Variants in GPD1L observed in about 807,000 individuals in gnomAD.
GPD1L encodes glycerol-3-phosphate dehydrogenase 1 like, also known as glycerol-3-phosphate dehydrogenase 1-like protein.
In GPD1L, 17 loss-of-function variants were observed where a neutral mutation model predicts 32.9. That is an observed-to-expected ratio of 0.52 (90% CI 0.35 to 0.78). The LOEUF (loss-of-function observed/expected upper bound fraction) is 0.78, where lower values mean the gene tolerates loss of function less well. GPD1L is among the 30% of genes least tolerant of loss of function. The pLI is 0.01. For missense variants in GPD1L, 361 were observed against 447.8 expected, an observed-to-expected ratio of 0.81 and a Z score of 1.75; for synonymous variants, 187 against 165.9, an observed-to-expected ratio of 1.13 and a Z score of -0.98.
chr3:32,108,888 C>T (rs529928461), intron 1 of GPD1L, among the ~76,000 whole-genome samples: 15 of 152,254 alleles, frequency 9.9e-5, no homozygotes, highest in Middle Eastern at 3.4e-3. Context: ...CTCCCTCTGT[C>T]GCCCAGGCTG....
chr3:32,116,735 C>A (rs1380868371), intron 1 of GPD1L, among the ~76,000 whole-genome samples: 3 of 152,202 alleles, frequency 2.0e-5, no homozygotes, highest in Admixed American at 6.5e-5. Flanking sequence ...ATCTGTGAGG[C>A]CTTGACTGAC....
At chr3:32,165,716 C>T (rs967630320) in intron 7 of GPD1L, 98 bp from the exon 8 acceptor site, 39 of 736,758 alleles carry the variant, frequency 5.3e-5, no homozygotes, top group Non-Finnish European at 9.0e-5. Flanking sequence ...TCCATAGTCA[C>T]ATACTAACCT....
intron 2 of GPD1L, among the ~76,000 whole-genome samples, chr3:32,133,010 T>C (rs971765754): frequency 2.0e-5 from 3 of 152,200 alleles, no homozygotes; most frequent in African/African-American, 7.2e-5. Context: ...AAAATTACGC[T>C]ATTTTTGAGC....
intron 7 of GPD1L, among the ~76,000 whole-genome samples, chr3:32,160,318 G>A: frequency 1.7e-5 from 1 of 57,798 alleles, no homozygotes; most frequent in Non-Finnish European, 3.2e-5. Flanking sequence ...ATGGGTGAAT[G>A]GATGGATGAT....
chr3:32,122,191 G>C (rs1169693213), intron 1 of GPD1L, among the ~76,000 whole-genome samples: 2 of 147,306 alleles, frequency 1.4e-5, no homozygotes, highest in Non-Finnish European at 3.0e-5. Flanking sequence ...CACCCAGCAT[G>C]GTGTCTGAAA....
At position 32,140,292 on chromosome 3, in the gene GPD1L, T is replaced by TC; in HGVS notation, c.431_432insC (p.Asp145Ter). On this transcript the variant is annotated frameshift_variant, in exon 4 of 8. Coordinates refer to ENST00000282541, the MANE Select transcript of GPD1L (RefSeq NM_015141.4). LOFTEE classifies it high-confidence loss of function. ...GACATCATCCGTGAGAAGATGGGTATTGACATCAGTGTGCTGATGGGAGCC... is the reference window on the plus strand; with the variant it reads ...GACATCATCCGTGAGAAGATGGGTATCTGACATCAGTGTGCTGATGGGAGCC... The TC allele has an allele frequency of 6.2e-7, 1 of 1,613,966 alleles. No individual in the cohort carries two copies. The highest frequency in any genetic ancestry group is 8.5e-7 in the Non-Finnish European group (1 of 1,179,864).
At chr3:32,126,309 G>A (rs1350158853) in intron 1 of GPD1L, among the ~76,000 whole-genome samples, 1 of 152,230 alleles carries the variant, frequency 6.6e-6, no homozygotes, top group African/African-American at 2.4e-5. Context: ...AGAGGCAGCT[G>A]TAAAGGGGAA....
intron 2 of GPD1L, among the ~76,000 whole-genome samples, chr3:32,133,862 T>G (rs571233389): frequency 1.3e-5 from 2 of 152,350 alleles, no homozygotes; most frequent in East Asian, 3.9e-4. Context: ...ACCTTCAGAC[T>G]TGTCCACACA....
At chr3:32,130,850 T>TA (rs956598103) in intron 2 of GPD1L, among the ~76,000 whole-genome samples, 13 of 151,600 alleles carry the variant, frequency 8.6e-5, no homozygotes, top group African/African-American at 3.2e-4. Context: ...TCATCTCTAC[T>TA]AAAAAAAGAA....
chr3:32,163,182 T>TC (rs1701095117), intron 7 of GPD1L, among the ~76,000 whole-genome samples: 2 of 144,328 alleles, frequency 1.4e-5, no homozygotes, highest in South Asian at 4.6e-4. Flanking sequence ...TTTTTTTTTT[T>TC]TTTTGAGACA....
chr3:32,143,792 A>G lies in GPD1L; in HGVS notation c.506-2830A>G, dbSNP rs557764874. ...TAGGAGTTTGAGACCAGCCTTGTCA[A>G]CATGACAAGCGAAACCTCATCTTTA... On this transcript the variant is annotated intron_variant, in intron 4 of 7. Coordinates refer to ENST00000282541, the MANE Select transcript of GPD1L (RefSeq NM_015141.4). Among the ~76,000 whole-genome samples, 8 of 152,114 alleles carry G rather than the reference A, an allele frequency of 5.3e-5. No homozygotes were observed. In the South Asian group the frequency reaches 1.7e-3, roughly 32 times the overall value.
chr3:32,126,464 T>C (rs1156509911), intron 1 of GPD1L, among the ~76,000 whole-genome samples: 1 of 152,218 alleles, frequency 6.6e-6, no homozygotes, highest in African/African-American at 2.4e-5. Flanking sequence ...TTGTTCTCTA[T>C]GACCTTGTGA....
chr3:32,109,348 G>A (rs574661245), intron 1 of GPD1L, among the ~76,000 whole-genome samples: 12 of 152,320 alleles, frequency 7.9e-5, no homozygotes, highest in African/African-American at 2.6e-4. Flanking sequence ...CTGGAACTGG[G>A]CCTGGAGCAA....
chr3:32,152,578 C>G (rs1432566852), intron 5 of GPD1L, among the ~76,000 whole-genome samples: 1 of 152,106 alleles, frequency 6.6e-6, no homozygotes, highest in African/African-American at 2.4e-5. Context: ...GAGAGCCACT[C>G]CCGGAGTCTT....
chr3:32,117,414 C>T (rs1049242479), intron 1 of GPD1L, among the ~76,000 whole-genome samples: 3 of 152,164 alleles, frequency 2.0e-5, no homozygotes, highest in African/African-American at 7.2e-5. Flanking sequence ...GAAACATAAG[C>T]AGAAAAGAGA....
chr3:32,114,272 G>T (rs35505434), intron 1 of GPD1L, among the ~76,000 whole-genome samples: 62,784 of 152,096 alleles, frequency 0.41, 14,718 homozygotes, highest in East Asian at 0.64. Flanking sequence ...GCTAGCTTAG[G>T]CTTCTCCATA....
chr3:32,122,230 T>A (rs548279816), intron 1 of GPD1L, among the ~76,000 whole-genome samples: 1 of 152,092 alleles, frequency 6.6e-6, no homozygotes, highest in Non-Finnish European at 1.5e-5. Context: ...ATATTTTCAA[T>A]AAAAGACTCT....
At position 32,165,832 on chromosome 3, in the gene GPD1L, A is replaced by C. The variant is rs1553663699; in HGVS notation, c.978A>C (p.Ala326=). Residue 326 remains alanine (A), a synonymous_variant, in exon 8 of 8, where the codon GCA becomes GCC. Transcript: ENST00000282541. ...GLLDKFPLFT[A]VYQICYESRP... ...CAACTAGGTTTCCATTGTTTACTGC[A>C]GTGTATCAGATCTGCTACGAAAGCA... is the stretch of plus-strand genomic sequence containing the variant. 1.3e-6 allele frequency: 2 copies of C among 1,598,956 alleles called. No individual in the cohort carries two copies. The highest frequency in any genetic ancestry group is 2.2e-5 in the South Asian group (2 of 90,778).
rs1178500206 is a variant in GPD1L, at chr3:32,106,764, C to T, written c.47+6C>T. Reference sequence around the variant, plus strand: ...ATCGTGGGCTCGGGGAACTGGTGAGCGGCGGCGGGCTGGAGGCCGGGGCTC... The same window carrying T: ...ATCGTGGGCTCGGGGAACTGGTGAGTGGCGGCGGGCTGGAGGCCGGGGCTC... On this transcript the variant is annotated splice_donor_region_variant and intron_variant, in intron 1 of 7. Coordinates refer to ENST00000282541, the MANE Select transcript of GPD1L (RefSeq NM_015141.4). The surrounding 1 kb of genome is among the most constrained non-coding windows in gnomAD (Gnocchi z 4.0). 6.4e-7 allele frequency: 1 copy of T among 1,557,728 alleles called. No homozygotes were observed. The highest frequency in any genetic ancestry group is 8.7e-7 in the Non-Finnish European group (1 of 1,152,500).
Sources: allele counts gnomAD v4.1 joint callset (sites outside exome capture counted in the v4.1 genomes callset), GRCh38; gene constraint gnomAD v4.1.1; non-coding constraint Gnocchi (gnomAD v3.1); transcripts MANE v1.5; gene names NCBI Gene and HGNC (gene_info 2026-07-23, HGNC 2026-07-21).